ANXA10: variants seen among roughly 807,000 people sequenced by gnomAD.
The protein encoded by ANXA10 is annexin A10.
In ANXA10, 49 loss-of-function variants were observed where a neutral mutation model predicts 53.5. The ratio of observed to expected loss-of-function variants is 0.92; its 90% CI spans 0.73 to 1.16. The LOEUF (loss-of-function observed/expected upper bound fraction) is 1.16, where lower values mean the gene tolerates loss of function less well. Among genes scored for constraint, ANXA10 ranks in the 50% most tolerant of loss-of-function variants. The pLI is 0.00. For missense variants in ANXA10, 393 were observed against 394.4 expected (o/e 1.00, Z 0.03); for synonymous variants, 131 against 128.9 (o/e 1.02, Z -0.11).
At chr4:168,129,144 C>G (rs1426829706) in intron 2 of ANXA10, among the ~76,000 whole-genome samples, 1 of 152,060 alleles carries the variant, frequency 6.6e-6, no homozygotes, top group Non-Finnish European at 1.5e-5. Context: ...ACAAGGTCGC[C>G]TTTACAGGAG....
chr4:168,182,318 A>ATTTTTTT (rs542260478), intron 10 of ANXA10, among the ~76,000 whole-genome samples: 4,615 of 49,714 alleles, frequency 0.093, 1,414 homozygotes, highest in African/African-American at 0.1. Context: ...TGGAGCATTA[A>ATTTTTTT]TTTTTTTTTT....
At chr4:168,113,365 G>A (rs1294011634) in intron 1 of ANXA10, 1 of 136,130 alleles carries the variant, frequency 7.3e-6, no homozygotes, top group East Asian at 2.3e-4. Context: ...TGAGAGCCCA[G>A]TCTCTGCTTT....
chr4:168,109,011 A>T (rs1013854127), intron 1 of ANXA10, among the ~76,000 whole-genome samples: 1 of 152,198 alleles, frequency 6.6e-6, no homozygotes, highest in Admixed American at 6.5e-5. Flanking sequence ...TGGTCTAGGG[A>T]ATCTGTTCTT....
chr4:168,118,979 C>A (rs1730943328), intron 1 of ANXA10, among the ~76,000 whole-genome samples: 1 of 151,994 alleles, frequency 6.6e-6, no homozygotes, highest in Non-Finnish European at 1.5e-5. Flanking sequence ...ATTATTTAAT[C>A]AAAGATGACA....
rs1335489737 is a variant in ANXA10 at position 168,155,905 on chromosome 4, ATATAT to A, written c.196-6612_196-6608del. On this transcript the variant is annotated intron_variant, in intron 3 of 11. Transcript: ENST00000359299. ...TGTTATATATAATATATGATATATC[ATATAT>A]TATATTATATATCATATATTATATG... Among the ~76,000 whole-genome samples, 179 of 24,118 alleles carry A rather than the reference ATATAT, an allele frequency of 7.4e-3. 14 individuals are homozygous for A. Among genetic ancestry groups the A allele is most frequent in the African/African-American group, 0.038 (170 of 4,524 alleles). The allele number at this position is 24,118 out of a possible 152,430, so 15.8% of individuals were successfully genotyped here.
At chr4:168,113,645 G>T (rs995546396) in intron 1 of ANXA10, among the ~76,000 whole-genome samples, 32 of 152,186 alleles carry the variant, frequency 2.1e-4, no homozygotes, top group Non-Finnish European at 3.8e-4. Flanking sequence ...CCTCCCAGAG[G>T]CTCCACCTTC....
chr4:168,146,690 C>T (rs1480703604), intron 3 of ANXA10, among the ~76,000 whole-genome samples: 2 of 152,122 alleles, frequency 1.3e-5, no homozygotes, highest in African/African-American at 4.8e-5. Flanking sequence ...GAGAATCAGC[C>T]CTTACTGTGG....
At chr4:168,109,911 T>G (rs1366398338) in intron 1 of ANXA10, among the ~76,000 whole-genome samples, 1 of 152,170 alleles carries the variant, frequency 6.6e-6, no homozygotes, top group Non-Finnish European at 1.5e-5. Context: ...CTATAATGCA[T>G]CAATAAACTT....
At chr4:168,106,391 A>G (rs1338179132) in intron 1 of ANXA10, among the ~76,000 whole-genome samples, 1 of 152,120 alleles carries the variant, frequency 6.6e-6, no homozygotes, top group Admixed American at 6.6e-5. Flanking sequence ...TAAGCTAGGC[A>G]TTTCTAATTT....
intron 1 of ANXA10, among the ~76,000 whole-genome samples, chr4:168,119,503 G>A (rs1346127432): frequency 2.0e-5 from 3 of 152,080 alleles, no homozygotes; most frequent in South Asian, 2.1e-4. Context: ...AGCAGCCACC[G>A]TACAATGGGA....
intron 6 of ANXA10, among the ~76,000 whole-genome samples, chr4:168,167,162 C>T (rs1042022108): frequency 6.6e-6 from 1 of 152,158 alleles, no homozygotes; most frequent in Admixed American, 6.5e-5. Context: ...AAGTCCTCCC[C>T]TGTCCTTTAT....
intron 3 of ANXA10, among the ~76,000 whole-genome samples, chr4:168,161,201 T>C (rs1384990304): frequency 6.6e-6 from 1 of 152,220 alleles, no homozygotes; most frequent in Non-Finnish European, 1.5e-5. Context: ...GGGTTTTACA[T>C]TTAAGTCTTT....
intron 6 of ANXA10, among the ~76,000 whole-genome samples, chr4:168,172,427 T>C (rs1732009002): frequency 6.6e-6 from 1 of 152,260 alleles, no homozygotes; most frequent in Admixed American, 6.5e-5. Context: ...TACTTAGCTA[T>C]AGAAGCTGAA....
chr4:168,163,520 A>C (rs576506923), intron 4 of ANXA10, among the ~76,000 whole-genome samples: 1 of 152,282 alleles, frequency 6.6e-6, no homozygotes, highest in South Asian at 2.1e-4. Context: ...GTCAATTCCT[A>C]CCTCTTGCAA....
At chr4:168,096,415 T>C (rs1579196570) in intron 1 of ANXA10, among the ~76,000 whole-genome samples, 1 of 152,174 alleles carries the variant, frequency 6.6e-6, no homozygotes. Context: ...CAACTTTTAC[T>C]GAAACTTCTG....
intron 2 of ANXA10, among the ~76,000 whole-genome samples, chr4:168,137,008 C>T (rs1475931999): frequency 1.3e-5 from 2 of 152,226 alleles, no homozygotes; most frequent in South Asian, 2.1e-4. Context: ...CAATTTTCAG[C>T]TTGCACCCTC....
chr4:168,146,619 C>T (rs1327468172), intron 3 of ANXA10, among the ~76,000 whole-genome samples: 9 of 152,140 alleles, frequency 5.9e-5, no homozygotes, highest in Non-Finnish European at 1.3e-4. Flanking sequence ...ATACAGGTAG[C>T]AATTGTGTGA....
At chr4:168,174,299 T>C (rs2149479853) in intron 6 of ANXA10, among the ~76,000 whole-genome samples, 1 of 152,280 alleles carries the variant, frequency 6.6e-6, no homozygotes, top group Admixed American at 6.5e-5. Flanking sequence ...AACACACCCC[T>C]ATTCACCTGG....
At chr4:168,130,230 C>T (rs1384594557) in intron 2 of ANXA10, among the ~76,000 whole-genome samples, 1 of 152,050 alleles carries the variant, frequency 6.6e-6, no homozygotes, top group East Asian at 1.9e-4. Context: ...GATATAATCA[C>T]ATGATTTTTC....
Sources: gnomAD v4.1 joint callset for allele counts (sites outside exome capture counted in the v4.1 genomes callset) on GRCh38, gnomAD v4.1.1 for gene constraint, MANE v1.5 for transcripts, NCBI Gene and HGNC (gene_info 2026-07-23, HGNC 2026-07-21) for gene names.